SNX25: variants seen among roughly 807,000 people sequenced by gnomAD.
SNX25 encodes sorting nexin-25.
In SNX25, 62 loss-of-function variants were observed where a neutral mutation model predicts 113.7. That is an observed-to-expected ratio of 0.55 (90% CI 0.44 to 0.67). The LOEUF (loss-of-function observed/expected upper bound fraction) is 0.67. SNX25 is among the 30% of genes least tolerant of loss of function. SNX25 has a pLI of 0.00. For synonymous variants in SNX25, 421 were observed against 436.2 expected, an observed-to-expected ratio of 0.97 and a Z score of 0.43; for missense variants, 1,014 against 1,161.0, an observed-to-expected ratio of 0.87 and a Z score of 1.84.
intron 9 of SNX25, among the ~76,000 whole-genome samples, chr4:185,324,595 G>C (rs1469567944): frequency 6.6e-6 from 1 of 152,132 alleles, no homozygotes; most frequent in South Asian, 2.1e-4. Context: ...TTATCTCGGG[G>C]CTGGCTTGTC....
At chr4:185,338,827 A>G (rs2095245814) in intron 10 of SNX25, among the ~76,000 whole-genome samples, 1 of 152,152 alleles carries the variant, frequency 6.6e-6, no homozygotes, top group African/African-American at 2.4e-5. Flanking sequence ...CTTGTTCTAT[A>G]TGTCTGTCTT....
intron 1 of SNX25, among the ~76,000 whole-genome samples, chr4:185,220,505 T>C (rs1483460020): frequency 3.0e-5 from 4 of 133,332 alleles, no homozygotes; most frequent in Non-Finnish European, 6.4e-5. Flanking sequence ...TTTTTTGAGA[T>C]GGAGTCTCGC....
Position 185,323,788 on chromosome 4 carries a change from C to G in SNX25, c.1737C>G (p.Asn579Lys). The G allele has an allele frequency of 6.2e-7, 1 of 1,613,058 alleles. No homozygotes were observed. ...EEKHASQMIS[N>K]KDEMGPRDEA... ...AACATGCCTCACAGATGATTTCCAA[C>G]AAGGATGAGATGGTGAGTCACATTT... The change falls in exon 9 of 19, where the codon AAC becomes AAG. Residue 579 changes from asparagine (N) to lysine (K), a missense_variant. Coordinates refer to ENST00000652585, the MANE Select transcript of SNX25 (RefSeq NM_001378034.2).
downstream of SNX25, chr4:185,371,003 G>A: frequency 1.8e-6 from 1 of 555,410 alleles, no homozygotes; most frequent in Non-Finnish European, 3.2e-6. Flanking sequence ...GCTTCCCAGA[G>A]TGGTGACTTC....
chr4:185,320,159 A>C (rs527707099), intron 7 of SNX25, among the ~76,000 whole-genome samples: 1 of 152,366 alleles, frequency 6.6e-6, no homozygotes, highest in Admixed American at 6.5e-5. Flanking sequence ...CCATTCTGCT[A>C]TACAGACACT....
intron 1 of SNX25, among the ~76,000 whole-genome samples, chr4:185,242,161 A>G (rs982138133): frequency 6.6e-6 from 1 of 152,210 alleles, no homozygotes; most frequent in African/African-American, 2.4e-5. Flanking sequence ...ATTTCCATGC[A>G]GAATGTGTAC....
At chr4:185,245,269 A>T (rs1285355048) in intron 1 of SNX25, among the ~76,000 whole-genome samples, 1 of 151,526 alleles carries the variant, frequency 6.6e-6, no homozygotes, top group East Asian at 1.9e-4. Flanking sequence ...CCTCTTTTTA[A>T]TGTAGTCTCA....
intron 9 of SNX25, among the ~76,000 whole-genome samples, chr4:185,330,894 G>A (rs2095189445): frequency 6.6e-6 from 1 of 151,934 alleles, no homozygotes; most frequent in Admixed American, 6.6e-5. Flanking sequence ...GTCACAGTTT[G>A]TTGTATCTAT....
upstream of SNX25, among the ~76,000 whole-genome samples, chr4:185,205,645 A>G (rs921552342): frequency 6.6e-5 from 10 of 152,160 alleles, no homozygotes; most frequent in Non-Finnish European, 7.4e-5. Flanking sequence ...CCTGGCCAAC[A>G]TGGTGAAACT....
chr4:185,248,101 A>G (rs1745117912), intron 2 of SNX25, among the ~76,000 whole-genome samples: 1 of 152,232 alleles, frequency 6.6e-6, no homozygotes, highest in African/African-American at 2.4e-5. Flanking sequence ...CATAGTTCAC[A>G]AAAATCACCA....
rs1322993968 is a variant in SNX25 at position 185,258,077 on chromosome 4, AG to A, written c.515-770del. 2.0e-5 allele frequency among the ~76,000 whole-genome samples: 3 copies of A among 152,260 alleles called. No individual in the cohort carries two copies. The East Asian group carries it at 5.8e-4, about 29-fold the overall frequency. ...CAGCCATTCCCACTAGGACTGAGGC[AG>A]AGGACCTTAGGACAGAAAAAATTTG... On this transcript the variant is annotated intron_variant, in intron 2 of 18. Transcript: ENST00000652585.
chr4:185,374,271 G>T, downstream of SNX25: 5 of 1,613,942 alleles, frequency 3.1e-6, no homozygotes, highest in Non-Finnish European at 4.2e-6. Context: ...TGTTATTCTC[G>T]GTTTCAGCAT....
intron 7 of SNX25, among the ~76,000 whole-genome samples, chr4:185,313,408 G>A (rs192566074): frequency 1.3e-5 from 2 of 152,298 alleles, no homozygotes; most frequent in African/African-American, 4.8e-5. Flanking sequence ...CCTTTAGAGT[G>A]TACATGAAGC....
chr4:185,308,838 C>G (rs969896186), intron 6 of SNX25, among the ~76,000 whole-genome samples: 2 of 152,148 alleles, frequency 1.3e-5, no homozygotes, highest in Non-Finnish European at 2.9e-5. Flanking sequence ...ATGTCATTTA[C>G]TATCCCAGAG....
At chr4:185,370,709 G>A (rs550395072), downstream of SNX25, 27 of 1,614,034 alleles carry the variant, frequency 1.7e-5, no homozygotes, top group African/African-American at 1.1e-4. Context: ...GACACCTTGC[G>A]TGGTAGAAGG....
chr4:185,339,237 C>T, intron 10 of SNX25, 142 bp from the exon 11 acceptor site: 5 of 649,604 alleles, frequency 7.7e-6, no homozygotes, highest in East Asian at 3.1e-5. Flanking sequence ...GAATTTTTTT[C>T]TTAATTTTGT....
At chr4:185,239,311 G>T (rs185992844) in intron 1 of SNX25, among the ~76,000 whole-genome samples, 1 of 151,898 alleles carries the variant, frequency 6.6e-6, no homozygotes, top group East Asian at 1.9e-4. Context: ...GTGAAACTCC[G>T]TCTCTACTAA....
intron 7 of SNX25, among the ~76,000 whole-genome samples, chr4:185,313,210 T>C (rs1308883840): frequency 6.6e-6 from 1 of 152,102 alleles, no homozygotes; most frequent in Non-Finnish European, 1.5e-5. Context: ...CACAGATAAG[T>C]TGGAAGTAAG....
intron 2 of SNX25, among the ~76,000 whole-genome samples, chr4:185,248,718 G>C (rs1037639375): frequency 1.3e-5 from 2 of 152,330 alleles, no homozygotes; most frequent in Admixed American, 6.5e-5. Context: ...ACTTTGAAAT[G>C]TACAAATCTT....
Sources: gnomAD v4.1 joint callset for allele counts (sites outside exome capture counted in the v4.1 genomes callset) on GRCh38, gnomAD v4.1.1 for gene constraint, MANE v1.5 for transcripts, NCBI Gene and HGNC (gene_info 2026-07-23, HGNC 2026-07-21) for gene names.